AK5: variants seen among roughly 807,000 people sequenced by gnomAD.
The protein encoded by AK5 is adenylate kinase isoenzyme 5.
AK5 carries 27 observed loss-of-function variants against 69.5 expected under a neutral mutation model. The observed-to-expected ratio is 0.39, with a 90% confidence interval of 0.29 to 0.54. AK5 has a LOEUF of 0.54. Among genes scored for constraint, AK5 ranks in the 20% least tolerant of loss-of-function variants. AK5 has a pLI of 0.71. For synonymous variants in AK5, 260 were observed against 244.4 expected (o/e 1.06, Z -0.60); for missense variants, 531 against 700.4 (o/e 0.76, Z 2.73).
chr1:77,286,353 C>G (rs1394007596), intron 1 of AK5, among the ~76,000 whole-genome samples: 1 of 149,758 alleles, frequency 6.7e-6, no homozygotes, highest in Non-Finnish European at 1.5e-5. Flanking sequence ...GTGAATGGCT[C>G]TTCCATTTTA....
intron 13 of AK5, among the ~76,000 whole-genome samples, chr1:77,557,804 G>GAGA (rs1660187180): frequency 6.6e-6 from 1 of 152,086 alleles, no homozygotes; most frequent in African/African-American, 2.4e-5. Context: ...TTCCTTTTTA[G>GAGA]AGAAGTCTTA....
chr1:77,435,644 CAA>C (rs1202203579), intron 8 of AK5, among the ~76,000 whole-genome samples: 26 of 66,042 alleles, frequency 3.9e-4, no homozygotes, highest in Admixed American at 8.5e-4. Context: ...GACTCTGTCT[CAA>C]AAAAAAAAAA....
intron 6 of AK5, among the ~76,000 whole-genome samples, chr1:77,368,878 AG>A (rs200705321): frequency 0.013 from 1,949 of 152,304 alleles, 26 homozygotes; most frequent in Middle Eastern, 0.02. Context: ...TAACAATTAA[AG>A]GTGGTTATGT....
intron 7 of AK5, among the ~76,000 whole-genome samples, chr1:77,413,322 T>G (rs1263440410): frequency 6.6e-6 from 1 of 152,170 alleles, no homozygotes; most frequent in African/African-American, 2.4e-5. Context: ...AGCCCCATCC[T>G]GCACCTGGCC....
Position 77,486,790 on chromosome 1 carries a change from C to A in AK5, c.1147+438C>A, listed in dbSNP as rs187250468. Among the ~76,000 whole-genome samples, 27 of 151,914 alleles carry A rather than the reference C, an allele frequency of 1.8e-4. 1 individual carries two copies. The East Asian group carries it at 5.2e-3, about 29-fold the overall frequency. On this transcript the variant is annotated intron_variant, in intron 10 of 13. Coordinates refer to ENST00000354567, the MANE Select transcript of AK5 (RefSeq NM_174858.3). ...GGTCAAAATAGTACCCCAAGTTTTC[C>A]GGTTATTTCTTTCACGTATGCAGTT...
intron 13 of AK5, among the ~76,000 whole-genome samples, chr1:77,551,504 C>T (rs973174842): frequency 6.6e-6 from 1 of 152,110 alleles, no homozygotes; most frequent in Non-Finnish European, 1.5e-5. Flanking sequence ...CATTAATAAA[C>T]CCCCATATTT....
At chr1:77,423,765 CT>C (rs1170528762) in intron 8 of AK5, among the ~76,000 whole-genome samples, 1 of 151,998 alleles carries the variant, frequency 6.6e-6, no homozygotes, top group Non-Finnish European at 1.5e-5. Context: ...CCTCCAGGAG[CT>C]TTGCCAGGTC....
chr1:77,443,677 CTGTGTGTGTGTGTGTGTG>C (rs71244408), intron 8 of AK5, among the ~76,000 whole-genome samples: 41 of 134,038 alleles, frequency 3.1e-4, no homozygotes, highest in African/African-American at 1.0e-3. Context: ...TGTGGGGAGT[CTGTGTGTGTGTGTGTGTG>C]TGTGTGTGTG....
chr1:77,394,339 GC>G (rs1160078592), intron 6 of AK5, among the ~76,000 whole-genome samples: 1 of 152,134 alleles, frequency 6.6e-6, no homozygotes, highest in Non-Finnish European at 1.5e-5. Context: ...ATCTTCATGG[GC>G]CTGGAATATT....
Position 77,297,845 on chromosome 1 carries a change from T to C in AK5, c.597T>C (p.Ile199=). The C allele has an allele frequency of 6.2e-7, 1 of 1,610,892 alleles. No homozygotes were observed. The highest frequency in any genetic ancestry group is 8.5e-7 in the Non-Finnish European group (1 of 1,178,870). Residue 199 remains isoleucine (I), a synonymous_variant, in exon 5 of 14, where the codon ATT becomes ATC. Coordinates refer to ENST00000354567, the MANE Select transcript of AK5 (RefSeq NM_174858.3). ...TGELAPQETT[I]TEIKQKLMQI... is the part of the protein sequence containing the mutation. Reference sequence around the variant, plus strand: ...TCTGTTTATAAAAGGAAACAACAATTACAGAGATAAAACAAAAATTGATGC... The same window carrying C: ...TCTGTTTATAAAAGGAAACAACAATCACAGAGATAAAACAAAAATTGATGC...
intron 11 of AK5, among the ~76,000 whole-genome samples, chr1:77,519,580 A>T (rs1009853926): frequency 1.3e-5 from 2 of 152,258 alleles, no homozygotes; most frequent in African/African-American, 4.8e-5. Flanking sequence ...GTAGAGGAAT[A>T]AAAGAATGGC....
intron 2 of AK5, among the ~76,000 whole-genome samples, chr1:77,289,424 T>C (rs1175731528): frequency 6.6e-6 from 1 of 151,492 alleles, no homozygotes; most frequent in Non-Finnish European, 1.5e-5. Flanking sequence ...CCCTGTTAAA[T>C]ACATACCCCA....
At chr1:77,471,604 A>G (rs1654515522) in intron 8 of AK5, among the ~76,000 whole-genome samples, 1 of 152,144 alleles carries the variant, frequency 6.6e-6, no homozygotes, top group South Asian at 2.1e-4. Context: ...TCATCTAGAA[A>G]CCATAGAACT....
At chr1:77,524,604 G>T (rs993125152) in intron 12 of AK5, among the ~76,000 whole-genome samples, 1 of 152,116 alleles carries the variant, frequency 6.6e-6, no homozygotes, top group Admixed American at 6.5e-5. Flanking sequence ...TTTTGTTGTT[G>T]TCTAGTTGTA....
At chr1:77,558,246 G>A (rs1406937105) in intron 13 of AK5, among the ~76,000 whole-genome samples, 1 of 152,132 alleles carries the variant, frequency 6.6e-6, no homozygotes, top group Non-Finnish European at 1.5e-5. Flanking sequence ...AAAAAGTATG[G>A]TAAGAGTATG....
intron 10 of AK5, among the ~76,000 whole-genome samples, chr1:77,488,593 C>T (rs1028994229): frequency 2.6e-5 from 4 of 152,138 alleles, no homozygotes; most frequent in Non-Finnish European, 5.9e-5. Flanking sequence ...ATCACAAGGT[C>T]CCACAACAGG....
intron 6 of AK5, among the ~76,000 whole-genome samples, chr1:77,387,214 A>C (rs769800562): frequency 3.1e-4 from 47 of 152,352 alleles, no homozygotes; most frequent in Non-Finnish European, 5.4e-4. Flanking sequence ...CTGTGACCAG[A>C]AGACTAAGCC....
intron 6 of AK5, among the ~76,000 whole-genome samples, chr1:77,366,262 A>G (rs878866052): frequency 1.3e-5 from 2 of 152,196 alleles, no homozygotes; most frequent in Admixed American, 1.3e-4. Context: ...CTAGCCTAAC[A>G]ATACCCCCAG....
chr1:77,473,094 G>C (rs1024144312), intron 8 of AK5, among the ~76,000 whole-genome samples: 8 of 152,214 alleles, frequency 5.3e-5, no homozygotes, highest in Non-Finnish European at 8.8e-5. Context: ...ATTAGGACAT[G>C]GACATCTTTG....
Sources: allele counts gnomAD v4.1 joint callset (sites outside exome capture counted in the v4.1 genomes callset), GRCh38; gene constraint gnomAD v4.1.1; transcripts MANE v1.5; gene names NCBI Gene and HGNC (gene_info 2026-07-23, HGNC 2026-07-21).